Variants in ARHGAP42 observed in about 807,000 individuals in gnomAD.
ARHGAP42 encodes Rho GTPase activating protein 42.
A neutral mutation model predicts 125.0 loss-of-function variants in ARHGAP42; 63 were observed. The ratio of observed to expected loss-of-function variants is 0.50; its 90% CI spans 0.41 to 0.62. The LOEUF is 0.62. Among genes scored for constraint, ARHGAP42 ranks in the 20% least tolerant of loss-of-function variants. The pLI is 0.00. For synonymous variants in ARHGAP42, 339 were observed against 351.0 expected (o/e 0.97, Z 0.38); for missense variants, 766 against 1,024.2 (o/e 0.75, Z 3.44).
At chr11:100,794,651 A>G (rs1056378641) in intron 2 of ARHGAP42, among the ~76,000 whole-genome samples, 9 of 152,238 alleles carry the variant, frequency 5.9e-5, no homozygotes, top group Admixed American at 2.0e-4. Context: ...TCTAGAAGTC[A>G]GTGGAAAATT....
intron 2 of ARHGAP42, among the ~76,000 whole-genome samples, chr11:100,781,707 G>C (rs1472639500): frequency 6.6e-6 from 1 of 152,212 alleles, no homozygotes; most frequent in Non-Finnish European, 1.5e-5. Context: ...GTGCTACAAA[G>C]AGTCACAATT....
At chr11:100,770,168 G>T (rs914529052) in intron 1 of ARHGAP42, among the ~76,000 whole-genome samples, 175 bp from the exon 2 acceptor site, 1 of 152,000 alleles carries the variant, frequency 6.6e-6, no homozygotes, top group Non-Finnish European at 1.5e-5. Flanking sequence ...TTAAATTTTG[G>T]TTAAATTAGT....
chr11:100,976,915 CAGG>C lies in ARHGAP42; in HGVS notation c.2340_2342del (p.Arg781del). ...ACCCAGACCTGCCTCCGAAAATGTGCAGGAGATTAAGACTAGACACTGCCTCAA... is the reference window on the plus strand; with the variant it reads ...ACCCAGACCTGCCTCCGAAAATGTGCAGATTAAGACTAGACACTGCCTCAA... On this transcript the variant is annotated inframe_deletion, in exon 21 of 24. Coordinates refer to ENST00000298815, the MANE Select transcript of ARHGAP42 (RefSeq NM_152432.4). The C allele has an allele frequency of 6.4e-7, 1 of 1,551,490 alleles. No individual in the cohort carries two copies. The highest frequency in any genetic ancestry group is 2.4e-5 in the East Asian group (1 of 40,920).
At chr11:100,696,179 C>G (rs575583570) in intron 1 of ARHGAP42, among the ~76,000 whole-genome samples, 58 of 152,034 alleles carry the variant, frequency 3.8e-4, no homozygotes, top group African/African-American at 1.4e-3. Flanking sequence ...GAACCATGAT[C>G]ATGCCACTCC....
chr11:100,893,293 G>T (rs533861076), intron 4 of ARHGAP42, among the ~76,000 whole-genome samples: 1 of 151,912 alleles, frequency 6.6e-6, no homozygotes, highest in Non-Finnish European at 1.5e-5. Flanking sequence ...TTTGTTGTAG[G>T]TTGATGTTGG....
rs990938483 is a variant in ARHGAP42, at chr11:100,687,408, C to T, written c.-271C>T. Among the ~76,000 whole-genome samples, 1 of 152,040 alleles carries T rather than the reference C, an allele frequency of 6.6e-6. No homozygotes were observed. Among genetic ancestry groups the T allele is most frequent in the Non-Finnish European group, 1.5e-5 (1 of 67,972 alleles). ...AGCCTCGCCGCCCCCGCGTTCCGAA[C>T]GACGATGCGTCCAGATGACAACAAC... is the stretch of plus-strand genomic sequence containing the variant. On this transcript the variant is annotated 5_prime_UTR_variant, in exon 1 of 24. The change creates a new upstream start codon in the 5' untranslated region. Coordinates refer to ENST00000298815, the MANE Select transcript of ARHGAP42 (RefSeq NM_152432.4).
intron 1 of ARHGAP42, among the ~76,000 whole-genome samples, chr11:100,720,127 A>C (rs1290940310): frequency 6.6e-6 from 1 of 152,216 alleles, no homozygotes; most frequent in Non-Finnish European, 1.5e-5. Flanking sequence ...CTGGTGCTGA[A>C]ACTTGCCCCA....
chr11:100,885,987 G>C (rs998790046), intron 4 of ARHGAP42, among the ~76,000 whole-genome samples: 1 of 152,176 alleles, frequency 6.6e-6, no homozygotes, highest in Non-Finnish European at 1.5e-5. Context: ...TTGCAGCCAA[G>C]AAGGCAAGTT....
intron 4 of ARHGAP42, among the ~76,000 whole-genome samples, chr11:100,901,793 G>A (rs1866558732): frequency 1.3e-5 from 2 of 152,234 alleles, no homozygotes; most frequent in Admixed American, 6.5e-5. Context: ...GGGTGGAAGT[G>A]TCCCGTTTTT....
chr11:100,861,841 T>C (rs1263109780), intron 4 of ARHGAP42, among the ~76,000 whole-genome samples: 1 of 152,138 alleles, frequency 6.6e-6, no homozygotes, highest in Non-Finnish European at 1.5e-5. Flanking sequence ...GAAACAAACA[T>C]TTGGGAATTC....
intron 3 of ARHGAP42, among the ~76,000 whole-genome samples, chr11:100,806,279 T>C (rs546921863): frequency 6.6e-6 from 1 of 152,320 alleles, no homozygotes; most frequent in South Asian, 2.1e-4. Context: ...CGTATCCCCA[T>C]TTCTCTTGAT....
intron 4 of ARHGAP42, among the ~76,000 whole-genome samples, chr11:100,878,189 C>T (rs1244161059): frequency 1.3e-5 from 2 of 151,658 alleles, no homozygotes. Flanking sequence ...AGTGCAATGG[C>T]ACAATCTCAG....
chr11:100,940,879 C>T (rs1366216446), intron 8 of ARHGAP42, among the ~76,000 whole-genome samples: 1 of 152,134 alleles, frequency 6.6e-6, no homozygotes, highest in Non-Finnish European at 1.5e-5. Flanking sequence ...TGTTCCTGCT[C>T]ACATAGATTC....
intron 1 of ARHGAP42, among the ~76,000 whole-genome samples, chr11:100,764,621 G>C (rs1039902289): frequency 1.3e-5 from 2 of 152,186 alleles, no homozygotes; most frequent in African/African-American, 4.8e-5. Flanking sequence ...ATTTCTGAAA[G>C]TGAATAACTT....
chr11:100,793,726 A>G (rs1863632340), intron 2 of ARHGAP42, among the ~76,000 whole-genome samples: 1 of 152,156 alleles, frequency 6.6e-6, no homozygotes, highest in South Asian at 2.1e-4. Flanking sequence ...CTGGTCTCAC[A>G]GGATGTTTCC....
chr11:100,937,648 T>A (rs904478025), intron 8 of ARHGAP42, among the ~76,000 whole-genome samples: 1 of 152,186 alleles, frequency 6.6e-6, no homozygotes, highest in African/African-American at 2.4e-5. Context: ...GATTTTTTAT[T>A]CATTATGGTC....
At chr11:100,961,858 A>G in intron 15 of ARHGAP42, 90 bp downstream of exon 15, 1 of 1,074,700 alleles carries the variant, frequency 9.3e-7, no homozygotes, top group South Asian at 1.5e-5. Context: ...GCCTGTGTCC[A>G]GAAGCTTCAC....
intron 1 of ARHGAP42, among the ~76,000 whole-genome samples, chr11:100,751,773 C>CTTTTTTTTT (rs757372755): frequency 5.9e-5 from 5 of 84,418 alleles, no homozygotes; most frequent in African/African-American, 1.5e-4. Context: ...AGACAGGCAC[C>CTTTTTTTTT]TTTTTTTTTT....
intron 2 of ARHGAP42, among the ~76,000 whole-genome samples, chr11:100,792,865 G>A (rs1187454332): frequency 1.3e-5 from 2 of 151,030 alleles, no homozygotes; most frequent in Admixed American, 1.3e-4. Flanking sequence ...CCGTTCTCCT[G>A]CCTCAGCCTC....
Sources: allele counts gnomAD v4.1 joint callset (sites outside exome capture counted in the v4.1 genomes callset), GRCh38; gene constraint gnomAD v4.1.1; transcripts MANE v1.5; gene names NCBI Gene and HGNC (gene_info 2026-07-23, HGNC 2026-07-21).